The following UCHL3 variants were observed in gnomAD, a reference collection of about 807,000 sequenced individuals.
UCHL3 encodes ubiquitin carboxyl-terminal hydrolase isozyme L3.
In UCHL3, 22 loss-of-function variants were observed where a neutral mutation model predicts 35.8. The observed-to-expected ratio is 0.61, with a 90% CI of 0.44 to 0.88. The LOEUF (loss-of-function observed/expected upper bound fraction) is 0.88. Ranked by LOEUF, UCHL3 falls within the 40% of genes least tolerant of loss-of-function variation. UCHL3 has a pLI of 0.00. For missense variants in UCHL3, 229 were observed against 276.9 expected (o/e 0.83, Z 1.23); for synonymous variants, 90 against 92.8 (o/e 0.97, Z 0.17).
chr13:75,598,625 A>G (rs2032702283), intron 7 of UCHL3, among the ~76,000 whole-genome samples: 1 of 152,132 alleles, frequency 6.6e-6, no homozygotes, highest in Non-Finnish European at 1.5e-5. Context: ...TATCCTCATG[A>G]TTTATGCATT....
chr13:75,550,571 T>G (rs944225429), intron 2 of UCHL3, among the ~76,000 whole-genome samples: 1 of 152,128 alleles, frequency 6.6e-6, no homozygotes, highest in African/African-American at 2.4e-5. Flanking sequence ...CCCACGCCAT[T>G]CTTTGCAATC....
intron 7 of UCHL3, among the ~76,000 whole-genome samples, chr13:75,595,597 CAAAAAAAAAAAA>C (rs58733406): frequency 2.8e-4 from 13 of 45,654 alleles, no homozygotes; most frequent in East Asian, 9.2e-4. Context: ...TACTCCATCT[CAAAAAAAAAAAA>C]AAAAAAAAAA....
At chr13:75,571,185 G>A (rs928514873) in intron 6 of UCHL3, among the ~76,000 whole-genome samples, 1 of 152,150 alleles carries the variant, frequency 6.6e-6, no homozygotes, top group Non-Finnish European at 1.5e-5. Context: ...GTTAAGATAT[G>A]AAGACAGTTA....
At chr13:75,584,083 A>C (rs957682687) in intron 6 of UCHL3, among the ~76,000 whole-genome samples, 12 of 152,206 alleles carry the variant, frequency 7.9e-5, no homozygotes, top group Admixed American at 7.2e-4. Flanking sequence ...CTTGAGACAG[A>C]AAACCTTTCC....
intron 6 of UCHL3, among the ~76,000 whole-genome samples, chr13:75,578,915 A>G (rs913063470): frequency 3.9e-5 from 6 of 152,054 alleles, no homozygotes; most frequent in Non-Finnish European, 7.4e-5. Context: ...TTTAGAATCT[A>G]CTGGGCTTTT....
At chr13:75,601,493 A>G (rs188961764) in intron 7 of UCHL3, among the ~76,000 whole-genome samples, 2 of 152,240 alleles carry the variant, frequency 1.3e-5, no homozygotes, top group African/African-American at 4.8e-5. Context: ...AAGCCCCTCC[A>G]TCAGCAAAAA....
intron 6 of UCHL3, 72 bp from the exon 7 acceptor site, chr13:75,594,843 G>T: frequency 9.7e-7 from 1 of 1,032,864 alleles, no homozygotes; most frequent in Non-Finnish European, 1.4e-6. Flanking sequence ...TTATTTGTAT[G>T]TGTTTATGTA....
intron 6 of UCHL3, among the ~76,000 whole-genome samples, chr13:75,572,477 A>G (rs1161995400): frequency 2.0e-5 from 3 of 152,176 alleles, no homozygotes; most frequent in African/African-American, 4.8e-5. Context: ...CATGGAACCA[A>G]TGGCGCCTTA....
At chr13:75,574,104 G>C (rs1007818147) in intron 6 of UCHL3, among the ~76,000 whole-genome samples, 3 of 152,176 alleles carry the variant, frequency 2.0e-5, no homozygotes, top group Middle Eastern at 3.4e-3. Context: ...TGTAGTCCCA[G>C]CTACTCGGGA....
intron 2 of UCHL3, among the ~76,000 whole-genome samples, chr13:75,559,774 T>C (rs114010115): frequency 0.024 from 3,600 of 152,314 alleles, 158 homozygotes; most frequent in African/African-American, 0.081. Flanking sequence ...AGGTAAGATA[T>C]AGTGATGCAT....
intron 3 of UCHL3, among the ~76,000 whole-genome samples, chr13:75,562,756 A>G (rs1720292155): frequency 6.6e-6 from 1 of 152,210 alleles, no homozygotes; most frequent in African/African-American, 2.4e-5. Context: ...TCAGAGCTAA[A>G]AACTTGTCCC....
At chr13:75,579,230 G>T (rs1490101803) in intron 6 of UCHL3, among the ~76,000 whole-genome samples, 1 of 151,974 alleles carries the variant, frequency 6.6e-6, no homozygotes, top group Non-Finnish European at 1.5e-5. Flanking sequence ...TAAAATTTAA[G>T]TTGCCGATTA....
In UCHL3 at chr13:75,606,012, G is replaced by C. The variant is rs1314267146; in HGVS notation, c.*200G>C. 9.7e-6 allele frequency: 5 copies of C among 517,980 alleles called. No homozygotes were observed. Among genetic ancestry groups the C allele is most frequent in the Non-Finnish European group, 1.7e-5 (5 of 293,578 alleles). 32.1% of individuals were successfully genotyped at this position (517,980 alleles called of 1,614,324 possible). A position where few individuals can be genotyped will look rare whatever the true frequency, so the allele number is the denominator to read the frequency against. Reference sequence around the variant, plus strand: ...GCTTTCCTCCTCTTTTCTTGTGAAGGATTTATCTTGTTTGAAAACTAGCAA... The same window carrying C: ...GCTTTCCTCCTCTTTTCTTGTGAAGCATTTATCTTGTTTGAAAACTAGCAA... On this transcript the variant is annotated 3_prime_UTR_variant, in exon 9 of 9. Transcript: ENST00000377595.
rs150925870 is a variant in UCHL3, at chr13:75,564,617, C to T, written c.184-2078C>T. The stretch of plus-strand genomic sequence containing the variant: ...CCAATCTGCATTCCCACCAACAGTG[C>T]ACTTGGGTTCCCTTTTCTCCACACC... On this transcript the variant is annotated intron_variant, in intron 3 of 8. Transcript: ENST00000377595. Among the ~76,000 whole-genome samples the T allele has an allele frequency of 1.2e-4, 18 of 152,288 alleles. No individual in the cohort carries two copies. The South Asian group carries it at 1.7e-3, about 14-fold the overall frequency.
intron 6 of UCHL3, among the ~76,000 whole-genome samples, chr13:75,581,035 G>A (rs1016219204): frequency 1.3e-5 from 2 of 152,072 alleles, no homozygotes; most frequent in Admixed American, 1.3e-4. Flanking sequence ...ATCTAAGTCA[G>A]TTCTTATTCA....
chr13:75,577,313 T>C (rs781097642), intron 6 of UCHL3, among the ~76,000 whole-genome samples: 24 of 152,180 alleles, frequency 1.6e-4, no homozygotes, highest in Non-Finnish European at 2.8e-4. Context: ...TATACAGACT[T>C]TTTTCTTGTC....
At chr13:75,599,946 T>G (rs984207747) in intron 7 of UCHL3, among the ~76,000 whole-genome samples, 1 of 152,180 alleles carries the variant, frequency 6.6e-6, no homozygotes, top group Non-Finnish European at 1.5e-5. Context: ...AAAGGAAAAG[T>G]TCTTGAAGGA....
intron 6 of UCHL3, among the ~76,000 whole-genome samples, chr13:75,585,317 A>G (rs2032293677): frequency 6.6e-6 from 1 of 152,218 alleles, no homozygotes; most frequent in East Asian, 1.9e-4. Context: ...GCCACATGAA[A>G]AAGACAGAGT....
intron 6 of UCHL3, among the ~76,000 whole-genome samples, chr13:75,579,587 C>G (rs1036029466): frequency 3.3e-5 from 5 of 152,102 alleles, no homozygotes; most frequent in Non-Finnish European, 7.4e-5. Context: ...CTTTCCTCCC[C>G]CCTTCTTTCT....
Sources: gnomAD v4.1 joint callset for allele counts (sites outside exome capture counted in the v4.1 genomes callset) on GRCh38, gnomAD v4.1.1 for gene constraint, MANE v1.5 for transcripts, NCBI Gene and HGNC (gene_info 2026-07-23, HGNC 2026-07-21) for gene names.